NBPF8: variants seen among roughly 807,000 people sequenced by gnomAD.
NBPF8 encodes the protein NBPF family member NBPF8.
intron 17 of NBPF8, among the ~76,000 whole-genome samples, chr1:120,459,848 T>C (rs1453251310): frequency 2.6e-5 from 4 of 152,058 alleles, no homozygotes; most frequent in Non-Finnish European, 4.4e-5. Flanking sequence ...GTCTGTCAGC[T>C]CAGCTCATCT....
At position 120,454,591 on chromosome 1, in the gene NBPF8, G is replaced by A. The variant is rs1387506704; in HGVS notation, n.2568+477G>A. Among the ~76,000 whole-genome samples, 147 of 151,794 alleles carry A rather than the reference G, an allele frequency of 9.7e-4. 1 individual carries two copies. In the South Asian group the frequency reaches 0.022, roughly 23 times the overall value. ...TGCACAGTCACCCTGAAATCAGTAC[G>A]GAAACTTTTCTTCTTTACTTTGCTG... On this transcript the variant is annotated intron_variant and non_coding_transcript_variant, in intron 15 of 24. Transcript: ENST00000583271.
chr1:120,456,797 C>G (rs1399805601), intron 16 of NBPF8, among the ~76,000 whole-genome samples: 10 of 151,398 alleles, frequency 6.6e-5, no homozygotes, highest in African/African-American at 2.4e-4. Flanking sequence ...TGAATTTGAT[C>G]CTGTCGTTAT....
At chr1:120,419,508 C>A (rs1209507445), upstream of NBPF8, among the ~76,000 whole-genome samples, 8 of 152,156 alleles carry the variant, frequency 5.3e-5, no homozygotes, top group East Asian at 1.6e-3. Flanking sequence ...TTCCCCCAGG[C>A]TGGAGTTCAG....
chr1:120,416,671 C>G (rs1458940539), upstream of NBPF8, among the ~76,000 whole-genome samples: 2 of 131,156 alleles, frequency 1.5e-5, no homozygotes, highest in African/African-American at 5.9e-5. Context: ...CACCACAGAT[C>G]AAGAAATAGA....
intron 3 of NBPF8, among the ~76,000 whole-genome samples, chr1:120,428,773 G>A (rs1487009369): frequency 6.8e-6 from 1 of 147,618 alleles, no homozygotes. Context: ...ATAACTGAGC[G>A]AGGCTGTACC....
chr1:120,461,431 G>GTACCTTTC lies in NBPF8; in HGVS notation n.3009+8_3009+15dup. ...GCTTGGCTGTTGACATGGATGGTGA[G>GTACCTTTC]TACCTTTCTATGAAGGTGATAAGGA... is the stretch of plus-strand genomic sequence containing the variant. On this transcript the variant is annotated splice_donor_region_variant and intron_variant and non_coding_transcript_variant, in intron 19 of 24. Transcript: ENST00000583271. The GTACCTTTC allele has an allele frequency of 1.4e-6, 1 of 727,578 alleles. No individual in the cohort carries two copies. The allele number at this position is 727,578 out of a possible 1,614,324, so 45.1% of individuals were successfully genotyped here.
At chr1:120,465,400 T>G in intron 24 of NBPF8, 29 bp downstream of exon 22, 1 of 583,416 alleles carries the variant, frequency 1.7e-6, no homozygotes, top group South Asian at 1.6e-5. Context: ...GGATGCTTAA[T>G]TCTGTGTTAA....
At chr1:120,415,047 G>A (rs1660389550), upstream of NBPF8, among the ~76,000 whole-genome samples, 2 of 152,126 alleles carry the variant, frequency 1.3e-5, no homozygotes. Flanking sequence ...GCGGGACCCT[G>A]AGGAGCCAGC....
chr1:120,449,051 T>C (rs1214335362), intron 10 of NBPF8, 142 bp from the exon 9 acceptor site: 2 of 592,126 alleles, frequency 3.4e-6, no homozygotes, highest in African/African-American at 5.5e-5. Context: ...AGATCAAGAC[T>C]GGAGATGACA....
intron 13 of NBPF8, among the ~76,000 whole-genome samples, chr1:120,452,675 T>A (rs1661315110): frequency 6.6e-6 from 1 of 152,268 alleles, no homozygotes; most frequent in Non-Finnish European, 1.5e-5. Flanking sequence ...GGCTGTCTTT[T>A]CGGCAATGTT....
intron 1 of NBPF8, among the ~76,000 whole-genome samples, chr1:120,425,638 T>C (rs1295496530): frequency 3.3e-5 from 5 of 152,116 alleles, no homozygotes; most frequent in Non-Finnish European, 5.9e-5. Context: ...CTCTGTACTT[T>C]GTCTCTGTGT....
chr1:120,460,035 C>T (rs111748892), intron 17 of NBPF8, among the ~76,000 whole-genome samples: 25 of 152,212 alleles, frequency 1.6e-4, no homozygotes, highest in African/African-American at 5.3e-4. Context: ...AGTTCGCTTG[C>T]TTTAGCTCAT....
At chr1:120,428,461 G>A (rs1660783409) in intron 3 of NBPF8, among the ~76,000 whole-genome samples, 1 of 151,952 alleles carries the variant, frequency 6.6e-6, no homozygotes, top group South Asian at 2.1e-4. Context: ...GCAGGGATGG[G>A]TCTGCCTTCT....
Position 120,452,023 on chromosome 1 carries a change from C to T in NBPF8, n.2075-94C>T, listed in dbSNP as rs1661289105. On this transcript the variant is annotated intron_variant and non_coding_transcript_variant, in intron 12 of 24. Transcript: ENST00000583271. ...TGCTGACCTTCTGTTTCAAGGTCTC[C>T]TTGAGGACATTGTCTCAGAAGTCTC... 12 of 1,373,990 alleles carry T rather than the reference C, an allele frequency of 8.7e-6. No individual in the cohort carries two copies. In the Admixed American group the frequency reaches 1.8e-4, roughly 21 times the overall value. The allele number at this position is 1,373,990 out of a possible 1,614,324, so 85.1% of individuals were successfully genotyped here.
chr1:120,455,980 AT>A (rs1392003326), intron 16 of NBPF8, among the ~76,000 whole-genome samples: 11 of 151,830 alleles, frequency 7.2e-5, no homozygotes, highest in African/African-American at 2.7e-4. Context: ...CTTTTTTCTC[AT>A]TGGTTTCAAA....
At chr1:120,466,044 T>C in exon 25 of NBPF8, 1 of 1,612,020 alleles carries the variant, frequency 6.2e-7, no homozygotes, top group East Asian at 2.2e-5. Context: ...ATAGATGTTA[T>C]TCGACTCCAT....
upstream of NBPF8, among the ~76,000 whole-genome samples, chr1:120,418,841 G>A (rs1286681738): frequency 2.1e-4 from 32 of 151,162 alleles, no homozygotes; most frequent in South Asian, 6.3e-4. Context: ...AGCCATCACC[G>A]CTGGCCATTT....
intron 11 of NBPF8, among the ~76,000 whole-genome samples, chr1:120,449,629 C>A (rs1556606438): frequency 1.3e-5 from 2 of 152,142 alleles, no homozygotes; most frequent in South Asian, 2.1e-4. Flanking sequence ...AGTTAAACTG[C>A]CATTTATTGA....
At chr1:120,465,782 C>T (rs1166839038) in intron 24 of NBPF8, among the ~76,000 whole-genome samples, 196 bp from the exon 23 acceptor site, 1 of 151,200 alleles carries the variant, frequency 6.6e-6, no homozygotes, top group East Asian at 2.0e-4. Context: ...CTGTCTCTCT[C>T]TCTCTGTCTT....
Sources: allele counts gnomAD v4.1 joint callset (sites outside exome capture counted in the v4.1 genomes callset), GRCh38; gene constraint gnomAD v4.1.1; transcripts MANE v1.5; gene names NCBI Gene and HGNC (gene_info 2026-07-23, HGNC 2026-07-21).